The following WDR37 variants were observed in gnomAD, a reference collection of about 807,000 sequenced individuals.
The protein encoded by WDR37 is WD repeat-containing protein 37.
A neutral mutation model predicts 62.9 loss-of-function variants in WDR37; 19 were observed. That is an observed-to-expected ratio of 0.30 (90% CI 0.21 to 0.44). The LOEUF (loss-of-function observed/expected upper bound fraction) is 0.44, where lower values mean the gene tolerates loss of function less well. Ranked by LOEUF, WDR37 falls within the 20% of genes least tolerant of loss-of-function variation. The pLI is 1.00. For synonymous variants in WDR37, 250 were observed against 260.9 expected (o/e 0.96, Z 0.40); for missense variants, 474 against 657.6 (o/e 0.72, Z 3.05).
In WDR37 at chr10:1,132,280, TATA is replaced by T. The variant is rs1305397491; in HGVS notation, c.*2940_*2942del. 1.3e-5 allele frequency: 2 copies of T among 152,222 alleles called. No individual in the cohort carries two copies. Among genetic ancestry groups the T allele is most frequent in the African/African-American group, 4.8e-5 (2 of 41,460 alleles). 9.4% of individuals were successfully genotyped at this position (152,222 alleles called of 1,614,324 possible). A position where few individuals can be genotyped will look rare whatever the true frequency, so the allele number is the denominator to read the frequency against. On this transcript the variant is annotated 3_prime_UTR_variant, in exon 14 of 14. Transcript: ENST00000263150. ...CACGATGAGCTAGAAATTGAACAAATATAATACTGGTCACTCGAAAAATTTTTA... is the reference window on the plus strand; with the variant it reads ...CACGATGAGCTAGAAATTGAACAAATATACTGGTCACTCGAAAAATTTTTA...
intron 9 of WDR37, chr10:1,096,490 C>A: frequency 1.8e-6 from 1 of 545,384 alleles, no homozygotes; most frequent in Non-Finnish European, 3.3e-6. Flanking sequence ...CTCAATCTCT[C>A]TGTCACTCTC....
chr10:1,097,854 G>A (rs1834641995), intron 9 of WDR37, among the ~76,000 whole-genome samples: 1 of 152,192 alleles, frequency 6.6e-6, no homozygotes, highest in African/African-American at 2.4e-5. Flanking sequence ...TTGTATTTTG[G>A]GAACATGTAA....
intron 11 of WDR37, among the ~76,000 whole-genome samples, chr10:1,120,548 G>GT (rs1243259933): frequency 1.3e-5 from 2 of 152,192 alleles, no homozygotes; most frequent in Non-Finnish European, 2.9e-5. Context: ...AGTGCTGCCT[G>GT]TTTCACAGCT....
At chr10:1,067,434 T>C (rs1374762182) in intron 1 of WDR37, among the ~76,000 whole-genome samples, 1 of 152,158 alleles carries the variant, frequency 6.6e-6, no homozygotes, top group Non-Finnish European at 1.5e-5. Context: ...GAAAAAATTA[T>C]CAACATTAAA....
chr10:1,058,149 C>G (rs975301144), intron 1 of WDR37, among the ~76,000 whole-genome samples: 2 of 135,944 alleles, frequency 1.5e-5, no homozygotes, highest in South Asian at 2.4e-4. Context: ...CGCTGCCTTT[C>G]TATTAATACT....
intron 1 of WDR37, among the ~76,000 whole-genome samples, chr10:1,058,245 G>A (rs1833263334): frequency 6.6e-6 from 1 of 152,140 alleles, no homozygotes; most frequent in Admixed American, 6.5e-5. Context: ...CCTAAGTCCC[G>A]ACTCCCTGTC....
rs1285089991 is a variant in WDR37, at chr10:1,121,899, G to A, written c.1104-2319G>A. Among the ~76,000 whole-genome samples, 1 of 151,922 alleles carries A rather than the reference G, an allele frequency of 6.6e-6. No homozygotes were observed. The highest frequency in any genetic ancestry group is 2.4e-5 in the African/African-American group (1 of 41,360). On this transcript the variant is annotated intron_variant, in intron 11 of 13. Coordinates refer to ENST00000263150, the MANE Select transcript of WDR37 (RefSeq NM_014023.4). This position sits in a 1 kb window ranked among gnomAD's most constrained non-coding sequence, Gnocchi z 4.5. ...TTCCGGGGTCTCGGTGTCAGAGCGT[G>A]TTGCCAGGTGTTGTTGACGCACCTT...
chr10:1,126,331 A>G (rs7085880), intron 13 of WDR37, among the ~76,000 whole-genome samples: 51,052 of 149,374 alleles, frequency 0.34, 9,123 homozygotes, highest in East Asian at 0.44. Flanking sequence ...GCGTGAACCC[A>G]GGAGGCGGAG....
At chr10:1,061,187 C>T (rs1833361234) in intron 1 of WDR37, among the ~76,000 whole-genome samples, 1 of 152,180 alleles carries the variant, frequency 6.6e-6, no homozygotes, top group Non-Finnish European at 1.5e-5. Context: ...GCTCTTCAGC[C>T]TCTGGTAGAT....
intron 9 of WDR37, among the ~76,000 whole-genome samples, chr10:1,097,954 G>C (rs1361799826): frequency 7.9e-5 from 12 of 152,194 alleles, no homozygotes; most frequent in Admixed American, 7.9e-4. Context: ...TCCTGATTCA[G>C]GTGATGTTTT....
rs1433486780 is a variant in WDR37 at position 1,103,652 on chromosome 10, C to T, written c.777C>T (p.Leu259=). The T allele has an allele frequency of 6.2e-6, 10 of 1,614,114 alleles. No individual in the cohort carries two copies. The highest frequency in any genetic ancestry group is 3.3e-5 in the Admixed American group (2 of 60,010). The change falls in exon 10 of 14, where the codon CTC becomes CTT. Residue 259 remains leucine, a synonymous_variant. Transcript: ENST00000263150. This position sits in a 1 kb window ranked among gnomAD's most constrained non-coding sequence, Gnocchi z 6.3. ...VECSDKDEPD[L]DGDVSSDCPT... ...GCTCTGACAAGGACGAGCCCGACCT[C>T]GATGGGGATGTGTCCAGCGACTGCC... is the stretch of plus-strand genomic sequence containing the variant.
intron 6 of WDR37, among the ~76,000 whole-genome samples, chr10:1,085,001 G>A (rs944265760): frequency 2.6e-5 from 4 of 152,206 alleles, no homozygotes; most frequent in Non-Finnish European, 5.9e-5. Context: ...TCGCTCTGTT[G>A]CCCAGGCTGG....
chr10:1,066,041 T>TAA (rs1464372505), intron 1 of WDR37, among the ~76,000 whole-genome samples: 1 of 151,302 alleles, frequency 6.6e-6, no homozygotes. Context: ...GAAACCAAAA[T>TAA]AAAAGTACAG....
chr10:1,115,817 G>A (rs1439582185), intron 11 of WDR37, among the ~76,000 whole-genome samples: 3 of 152,172 alleles, frequency 2.0e-5, no homozygotes, highest in Non-Finnish European at 4.4e-5. Flanking sequence ...CTACCAGGTG[G>A]TGACTTTGCA....
At chr10:1,119,235 G>GCAGA (rs1179343972) in intron 11 of WDR37, among the ~76,000 whole-genome samples, 1 of 152,268 alleles carries the variant, frequency 6.6e-6, no homozygotes, top group Admixed American at 6.5e-5. Flanking sequence ...ACGAGACAGA[G>GCAGA]CAGAGCAAGA....
At chr10:1,110,235 G>A (rs1351266904) in intron 11 of WDR37, among the ~76,000 whole-genome samples, 2 of 152,180 alleles carry the variant, frequency 1.3e-5, no homozygotes, top group African/African-American at 4.8e-5. Flanking sequence ...TCTCAGCTGT[G>A]CGCATGCAGG....
intron 1 of WDR37, among the ~76,000 whole-genome samples, chr10:1,064,662 C>G (rs755414194): frequency 2.4e-5 from 3 of 125,342 alleles, no homozygotes; most frequent in Non-Finnish European, 3.1e-5. Context: ...GTGGTGTGAT[C>G]TCAGCTCACT....
Position 1,086,476 on chromosome 10 carries a change from C to T in WDR37, c.604+119C>T, listed in dbSNP as rs940479797. 10 of 745,126 alleles carry T rather than the reference C, an allele frequency of 1.3e-5. No homozygotes were observed. The African/African-American group carries it at 1.7e-4, about 13-fold the overall frequency. 46.2% of individuals were successfully genotyped at this position (745,126 alleles called of 1,614,324 possible). A position where few individuals can be genotyped will look rare whatever the true frequency, so the allele number is the denominator to read the frequency against. On this transcript the variant is annotated intron_variant, in intron 7 of 13. Coordinates refer to ENST00000263150, the MANE Select transcript of WDR37 (RefSeq NM_014023.4). ...TAGGAAGCCTTACTGTTTCGGTTGT[C>T]AGGGGACAGTGTGGTCTGTTCAGAG...
chr10:1,070,900 G>A (rs1395017023), intron 1 of WDR37, among the ~76,000 whole-genome samples: 1 of 152,340 alleles, frequency 6.6e-6, no homozygotes, highest in African/African-American at 2.4e-5. Context: ...GTAAGTGAGA[G>A]CCATTTGGAA....
Sources: allele counts gnomAD v4.1 joint callset (sites outside exome capture counted in the v4.1 genomes callset), GRCh38; gene constraint gnomAD v4.1.1; non-coding constraint Gnocchi (gnomAD v3.1); transcripts MANE v1.5; gene names NCBI Gene and HGNC (gene_info 2026-07-23, HGNC 2026-07-21).